The following DUX4 variants were observed in gnomAD, a reference collection of about 807,000 sequenced individuals.
DUX4 encodes the protein double homeobox protein 4.
chr4:190,178,105 GT>G (rs1742404884), downstream of DUX4, among the ~76,000 whole-genome samples: 2 of 59,354 alleles, frequency 3.4e-5, 1 homozygote, highest in East Asian at 7.7e-4. Flanking sequence ...CTAGACAAGA[GT>G]TACATAACCC....
downstream of DUX4, among the ~76,000 whole-genome samples, chr4:190,176,328 G>T (rs1184646681): frequency 2.4e-4 from 25 of 103,242 alleles, no homozygotes; most frequent in Admixed American, 3.6e-4. Context: ...TTAGACAAGT[G>T]TTACATCACC....
intron 1 of DUX4, among the ~76,000 whole-genome samples, chr4:190,181,306 C>CCCCA (rs1742563347): frequency 3.3e-5 from 3 of 90,620 alleles, no homozygotes; most frequent in South Asian, 3.9e-4. Context: ...TAGGCAGAGC[C>CCCCA]TAAAGAAGAG....
downstream of DUX4, among the ~76,000 whole-genome samples, chr4:190,176,043 G>T (rs1239010195): frequency 2.7e-5 from 3 of 109,806 alleles, 1 homozygote; most frequent in Non-Finnish European, 6.4e-5. Flanking sequence ...TGTAGACAGA[G>T]CCTAGACAAT....
At chr4:190,176,293 G>C (rs1301671443), downstream of DUX4, among the ~76,000 whole-genome samples, 65 of 113,352 alleles carry the variant, frequency 5.7e-4, 8 homozygotes, top group African/African-American at 1.6e-3. Flanking sequence ...GGAGAGATCT[G>C]TCACAATGCC....
chr4:190,176,680 T>G (rs1460510167), downstream of DUX4, among the ~76,000 whole-genome samples: 2 of 110,650 alleles, frequency 1.8e-5, no homozygotes, highest in South Asian at 3.3e-4. Flanking sequence ...TTTCATCACT[T>G]GGTTGATCAG....
chr4:190,181,300 CA>C (rs1742562883), intron 1 of DUX4, among the ~76,000 whole-genome samples: 3 of 94,808 alleles, frequency 3.2e-5, no homozygotes, highest in African/African-American at 9.0e-5. Flanking sequence ...CGCCAGTAGG[CA>C]GAGCCTAAAG....
intron 1 of DUX4, among the ~76,000 whole-genome samples, chr4:190,181,671 G>C (rs1579837932): frequency 1.0e-3 from 108 of 105,212 alleles, no homozygotes; most frequent in Admixed American, 2.2e-3. Context: ...CATCACCTGG[G>C]TGATCAGTGC....
chr4:190,181,481 A>T (rs1742573002), intron 1 of DUX4, among the ~76,000 whole-genome samples: 41 of 151,190 alleles, frequency 2.7e-4, no homozygotes, highest in African/African-American at 5.4e-4. Flanking sequence ...CAGTGCAGAG[A>T]TACGTCACAA....
downstream of DUX4, among the ~76,000 whole-genome samples, chr4:190,178,201 A>ATATAT (rs1742409565): frequency 2.0e-5 from 3 of 152,050 alleles, no homozygotes; most frequent in South Asian, 4.2e-4. Context: ...ATCAGTGCAG[A>ATATAT]GATATGTCAC....
downstream of DUX4, among the ~76,000 whole-genome samples, chr4:190,176,858 C>T (rs1301930321): frequency 5.4e-4 from 42 of 77,824 alleles, no homozygotes; most frequent in African/African-American, 1.3e-3. Flanking sequence ...CTTCTGTAGG[C>T]AAAGCCCATA....
downstream of DUX4, among the ~76,000 whole-genome samples, chr4:190,176,159 A>T (rs1742295014): frequency 8.8e-6 from 1 of 112,998 alleles, no homozygotes. Flanking sequence ...GAGATATCTC[A>T]CAAAGCCCCT....
chr4:190,175,785 C>G lies in DUX4; in HGVS notation c.*375C>G, dbSNP rs1357789606. ...TCTAGGCAAACCTGGATTAGAGTTA[C>G]ATCTCCTGGATGATTAGTTCAGAGA... On this transcript the variant is annotated 3_prime_UTR_variant, in exon 2 of 2. Transcript: ENST00000565211. 3.2e-5 allele frequency: 5 copies of G among 153,988 alleles called. 2 individuals are homozygous for G. The highest frequency in any genetic ancestry group is 6.3e-5 in the Non-Finnish European group (5 of 79,204). The allele number at this position is 153,988 out of a possible 1,614,324, so 9.5% of individuals were successfully genotyped here. A position where few individuals can be genotyped will look rare whatever the true frequency, so the allele number is the denominator to read the frequency against.
chr4:190,181,335 C>CAGTACGGAGATAT, intron 1 of DUX4, among the ~76,000 whole-genome samples: 1 of 626 alleles, frequency 1.6e-3, no homozygotes, highest in Non-Finnish European at 3.7e-3. Context: ...CCTGGGTGAT[C>CAGTACGGAGATAT]TCTGCAAAGA....
chr4:190,176,186 C>A (rs1182491706), downstream of DUX4, among the ~76,000 whole-genome samples: 16 of 112,548 alleles, frequency 1.4e-4, 4 homozygotes, highest in South Asian at 4.7e-3. Context: ...CAAACCTTGA[C>A]AAGGGTTACA....
At position 190,175,743 on chromosome 4, in the gene DUX4, C is replaced by T. The variant is rs1579830539; in HGVS notation, c.*333C>T. The T allele has an allele frequency of 6.6e-6, 1 of 150,886 alleles. No individual in the cohort carries two copies. Among genetic ancestry groups the T allele is most frequent in the African/African-American group, 2.8e-5 (1 of 35,148 alleles). 9.3% of individuals were successfully genotyped at this position (150,886 alleles called of 1,614,324 possible). A position where few individuals can be genotyped will look rare whatever the true frequency, so the allele number is the denominator to read the frequency against. Reference sequence around the variant, plus strand: ...GTGAAATTCTGGCTGAATGTCTCCCCCCACCTTCCGACGCTGTCTAGGCAA... The same window carrying T: ...GTGAAATTCTGGCTGAATGTCTCCCTCCACCTTCCGACGCTGTCTAGGCAA... On this transcript the variant is annotated 3_prime_UTR_variant, in exon 2 of 2. Transcript: ENST00000565211.
chr4:190,176,762 G>T (rs1742320205), downstream of DUX4, among the ~76,000 whole-genome samples: 1 of 125,454 alleles, frequency 8.0e-6, no homozygotes, highest in African/African-American at 2.6e-5. Flanking sequence ...GATCAGTGCA[G>T]AGATATGTAC....
intron 1 of DUX4, among the ~76,000 whole-genome samples, chr4:190,181,472 A>G (rs1579837491): frequency 4.9e-4 from 72 of 147,962 alleles, no homozygotes; most frequent in East Asian, 1.2e-3. Flanking sequence ...CTAGATGATC[A>G]GTGCAGAGAT....
At chr4:190,177,769 C>T (rs1742385257), downstream of DUX4, among the ~76,000 whole-genome samples, 15 of 148,956 alleles carry the variant, frequency 1.0e-4, no homozygotes, top group South Asian at 6.4e-4. Context: ...AGAGTCCCAT[C>T]ACCTGGGTGA....
downstream of DUX4, among the ~76,000 whole-genome samples, chr4:190,179,792 GGC>G (rs1742512533): frequency 1.2e-3 from 30 of 25,304 alleles, no homozygotes; most frequent in African/African-American, 2.0e-3. Context: ...TGCCCCTGTA[GGC>G]AAGCCTACAC....
Sources: allele counts gnomAD v4.1 joint callset (sites outside exome capture counted in the v4.1 genomes callset), GRCh38; gene constraint gnomAD v4.1.1; transcripts MANE v1.5; gene names NCBI Gene and HGNC (gene_info 2026-07-23, HGNC 2026-07-21).